FAR1: variants seen among roughly 807,000 people sequenced by gnomAD.
The protein encoded by FAR1 is male sterility domain-containing protein 2.
A neutral mutation model predicts 61.1 loss-of-function variants in FAR1; 22 were observed. The ratio of observed to expected loss-of-function variants is 0.36; its 90% CI spans 0.26 to 0.51. The LOEUF is 0.51. Among genes scored for constraint, FAR1 ranks in the 20% least tolerant of loss-of-function variants. The probability of loss-of-function intolerance (pLI) is 0.95; values close to 1 mark genes in which losing one functional copy is unlikely to be tolerated. For missense variants in FAR1, 359 were observed against 626.9 expected, an observed-to-expected ratio of 0.57 and a Z score of 4.56; for synonymous variants, 206 against 209.7, an observed-to-expected ratio of 0.98 and a Z score of 0.15.
chr11:13,711,643 G>GT, intron 5 of FAR1, 121 bp from the exon 6 acceptor site: 1 of 756,978 alleles, frequency 1.3e-6, no homozygotes, highest in Non-Finnish European at 2.3e-6. Context: ...AATCTAGTCT[G>GT]TTTTTTAGTT....
In FAR1 at chr11:13,714,755, CT is replaced by C. The variant is rs760426745; in HGVS notation, c.1127+76del. ...GCTTACACTAAAATGCATATTAACT[CT>C]GTATTTGTTTATGCTTATGATAAGG... On this transcript the variant is annotated intron_variant, in intron 9 of 11. Coordinates refer to ENST00000354817, the MANE Select transcript of FAR1 (RefSeq NM_032228.6). 3.3e-4 allele frequency: 438 copies of C among 1,336,532 alleles called. 1 individual carries two copies. Among genetic ancestry groups the C allele is most frequent in the Non-Finnish European group, 4.1e-4 (402 of 986,934 alleles). The allele number at this position is 1,336,532 out of a possible 1,614,324, so 82.8% of individuals were successfully genotyped here.
chr11:13,699,808 A>AT (rs1481031739), intron 2 of FAR1, among the ~76,000 whole-genome samples: 1 of 152,200 alleles, frequency 6.6e-6, no homozygotes, highest in Non-Finnish European at 1.5e-5. Context: ...TTCCTTGAAC[A>AT]TATTGACTTT....
intron 4 of FAR1, among the ~76,000 whole-genome samples, chr11:13,708,436 C>CGT (rs1419444688): frequency 2.5e-4 from 22 of 88,230 alleles, no homozygotes; most frequent in Non-Finnish European, 3.4e-4. Context: ...TATACATGTG[C>CGT]GCGCGCGCGC....
chr11:13,680,452 A>G (rs2134169929), intron 1 of FAR1, among the ~76,000 whole-genome samples: 1 of 152,294 alleles, frequency 6.6e-6, no homozygotes, highest in African/African-American at 2.4e-5. Flanking sequence ...ATATAAAGGA[A>G]TACCTGAAGC....
At chr11:13,686,503 A>G (rs1848187292) in intron 1 of FAR1, 1 of 152,224 alleles carries the variant, frequency 6.6e-6, no homozygotes, top group Admixed American at 6.5e-5. Flanking sequence ...CTCGGCACCA[A>G]AAAGCTGCCG....
intron 1 of FAR1, among the ~76,000 whole-genome samples, chr11:13,677,376 T>C (rs931072719): frequency 2.0e-5 from 3 of 152,260 alleles, no homozygotes; most frequent in Non-Finnish European, 2.9e-5. Flanking sequence ...GATCTTTGCC[T>C]AACAGCATTT....
chr11:13,673,456 G>T (rs767327022), intron 1 of FAR1, among the ~76,000 whole-genome samples: 5 of 152,216 alleles, frequency 3.3e-5, no homozygotes, highest in Admixed American at 1.3e-4. Flanking sequence ...CAAGGTTGGA[G>T]AGCTAAGTGA....
chr11:13,726,750 G>A (rs1423268367), intron 10 of FAR1, among the ~76,000 whole-genome samples: 1 of 145,120 alleles, frequency 6.9e-6, no homozygotes, highest in African/African-American at 2.5e-5. Flanking sequence ...TTAAATAACT[G>A]TTCTTATGGG....
intron 2 of FAR1, among the ~76,000 whole-genome samples, chr11:13,699,323 A>AT (rs1402306556): frequency 2.0e-5 from 3 of 152,216 alleles, no homozygotes; most frequent in Non-Finnish European, 4.4e-5. Flanking sequence ...CCTGGCTCAT[A>AT]TGAAATACTC....
chr11:13,711,954 A>G lies in FAR1; in HGVS notation c.795A>G (p.Ile265Met), dbSNP rs1848503714. 1.2e-6 allele frequency: 2 copies of G among 1,613,298 alleles called. No homozygotes were observed. The highest frequency in any genetic ancestry group is 1.3e-5 in the African/African-American group (1 of 74,884). ...IAAGKGILRT[I>M]RASNNALADL... ...CAGGGAAAGGAATTCTTCGAACAATACGTGCCTCCAACAATGCCCTTGCAG... is the reference window on the plus strand; with the variant it reads ...CAGGGAAAGGAATTCTTCGAACAATGCGTGCCTCCAACAATGCCCTTGCAG... Residue 265 changes from isoleucine (I) to methionine (M), a missense_variant, in exon 7 of 12, where the codon ATA (isoleucine) becomes ATG (methionine). This residue lies in a region of FAR1 where 344 missense variants were observed against 570.3 expected (regional missense o/e 0.60). Coordinates refer to ENST00000354817, the MANE Select transcript of FAR1 (RefSeq NM_032228.6).
At chr11:13,708,365 C>CA (rs1030161076) in intron 4 of FAR1, among the ~76,000 whole-genome samples, 8 of 148,634 alleles carry the variant, frequency 5.4e-5, no homozygotes, top group African/African-American at 7.4e-5. Flanking sequence ...CTCAAAAAAA[C>CA]AAAAAACAAA....
chr11:13,711,854 C>T lies in FAR1; in HGVS notation c.768+46C>T, dbSNP rs7934570. The T allele has an allele frequency of 0.17, 266,766 of 1,555,672 alleles. 24,289 individuals are homozygous for T. Among genetic ancestry groups the T allele is most frequent in the South Asian group, 0.24 (20,847 of 86,444 alleles). ...ATTTAATATTCTATACATTTTTCTG[C>T]TTTTTGTATATCTTTAAATATATAT... On this transcript the variant is annotated intron_variant, in intron 6 of 11. Transcript: ENST00000354817.
Position 13,711,904 on chromosome 11 carries a change from G to T in FAR1, c.769-24G>T, listed in dbSNP as rs564957435. 2.3e-5 allele frequency: 36 copies of T among 1,587,914 alleles called. 1 individual carries two copies. The Admixed American group carries it at 5.3e-4, about 24-fold the overall frequency. On this transcript the variant is annotated intron_variant, in intron 6 of 11. Coordinates refer to ENST00000354817, the MANE Select transcript of FAR1 (RefSeq NM_032228.6). ...TACACTATGGCTTATATATCTTAAG[G>T]TGTTGTTTTTAATTTCAACAAAGGC... is the stretch of plus-strand genomic sequence containing the variant.
chr11:13,711,153 G>C, intron 5 of FAR1: 1 of 365,770 alleles, frequency 2.7e-6, no homozygotes, highest in South Asian at 3.3e-5. Context: ...TTGTTTCTTA[G>C]TAGCAAAAAG....
intron 10 of FAR1, among the ~76,000 whole-genome samples, chr11:13,723,879 T>C (rs1447921182): frequency 1.3e-5 from 2 of 151,994 alleles, no homozygotes; most frequent in African/African-American, 4.8e-5. Flanking sequence ...TCAGATCTTA[T>C]AAATGTTTCT....
At chr11:13,674,922 A>G (rs1179032906) in intron 1 of FAR1, among the ~76,000 whole-genome samples, 1 of 152,194 alleles carries the variant, frequency 6.6e-6, no homozygotes, top group Non-Finnish European at 1.5e-5. Flanking sequence ...AAGCTTCTAA[A>G]CTTTGTATTA....
intron 1 of FAR1, among the ~76,000 whole-genome samples, chr11:13,677,865 T>C (rs1370940759): frequency 1.3e-5 from 2 of 152,252 alleles, no homozygotes; most frequent in African/African-American, 4.8e-5. Context: ...AAGTCTAGAC[T>C]AATTAGAAAA....
chr11:13,679,120 C>G (rs1276124990), intron 1 of FAR1, among the ~76,000 whole-genome samples: 2 of 151,620 alleles, frequency 1.3e-5, no homozygotes, highest in African/African-American at 4.8e-5. Flanking sequence ...TTTTTTTTAG[C>G]AAAAAAGATA....
At chr11:13,701,865 G>A (rs1163278826) in intron 3 of FAR1, among the ~76,000 whole-genome samples, 2 of 152,060 alleles carry the variant, frequency 1.3e-5, no homozygotes, top group Non-Finnish European at 2.9e-5. Context: ...GTAATGGAAG[G>A]GCTATGAGCT....
Sources: gnomAD v4.1 joint callset for allele counts (sites outside exome capture counted in the v4.1 genomes callset) on GRCh38, gnomAD v4.1.1 for gene constraint, gnomAD v4.1.1 regional missense constraint, MANE v1.5 for transcripts, NCBI Gene and HGNC (gene_info 2026-07-23, HGNC 2026-07-21) for gene names.